The following GPC5 variants were observed in gnomAD, a reference collection of about 807,000 sequenced individuals.
The protein encoded by GPC5 is glypican-5.
GPC5 carries 47 observed loss-of-function variants against 53.9 expected under a neutral mutation model. The observed-to-expected ratio is 0.87, with a 90% CI of 0.69 to 1.11. The LOEUF (loss-of-function observed/expected upper bound fraction) is 1.11. Among genes scored for constraint, GPC5 ranks in the 50% most tolerant of loss-of-function variants. GPC5 has a pLI of 0.00. For synonymous variants in GPC5, 286 were observed against 263.3 expected (o/e 1.09, Z -0.84); for missense variants, 748 against 713.1 (o/e 1.05, Z -0.56).
At chr13:92,011,309 T>C (rs748836643) in intron 6 of GPC5, among the ~76,000 whole-genome samples, 1 of 152,200 alleles carries the variant, frequency 6.6e-6, no homozygotes, top group Non-Finnish European at 1.5e-5. Flanking sequence ...TCATCATTTG[T>C]AGCTGTTAAC....
intron 7 of GPC5, among the ~76,000 whole-genome samples, chr13:92,323,751 T>C (rs1011342113): frequency 2.0e-5 from 3 of 151,860 alleles, no homozygotes; most frequent in African/African-American, 7.2e-5. Context: ...AATAAATCAA[T>C]AAATGAGTCA....
chr13:92,547,547 T>A (rs1442697307), intron 7 of GPC5, among the ~76,000 whole-genome samples: 1 of 152,108 alleles, frequency 6.6e-6, no homozygotes, highest in African/African-American at 2.4e-5. Context: ...TTTAAAGGAA[T>A]TATCTTCTTA....
rs149564265 is a variant in GPC5 at position 92,660,476 on chromosome 13, CACAT to C, written c.1562-205801_1562-205798del. On this transcript the variant is annotated intron_variant, in intron 7 of 7. Transcript: ENST00000377067. ...ACATGTATATATATAAATATATACACACATACATGTATATATACATATATATGCA... is the reference window on the plus strand; with the variant it reads ...ACATGTATATATATAAATATATACACACATGTATATATACATATATATGCA... 0.028 allele frequency among the ~76,000 whole-genome samples: 4,179 copies of C among 151,702 alleles called. 403 individuals carry two copies. The East Asian group carries it at 0.33, about 12-fold the overall frequency.
At chr13:92,473,762 A>C (rs1306649728) in intron 7 of GPC5, among the ~76,000 whole-genome samples, 1 of 152,138 alleles carries the variant, frequency 6.6e-6, no homozygotes, top group Non-Finnish European at 1.5e-5. Flanking sequence ...AATACAATAA[A>C]ATTACTGCTC....
chr13:91,449,438 C>T (rs1328606274), intron 2 of GPC5, among the ~76,000 whole-genome samples: 1 of 152,022 alleles, frequency 6.6e-6, no homozygotes, highest in East Asian at 1.9e-4. Context: ...TGGTGGTTTG[C>T]TGCACCCATC....
chr13:92,587,186 T>C (rs927797692), intron 7 of GPC5, among the ~76,000 whole-genome samples: 6 of 152,168 alleles, frequency 3.9e-5, no homozygotes, highest in African/African-American at 1.4e-4. Flanking sequence ...AAAAATTCTA[T>C]TTTCCCTGTT....
chr13:92,547,396 A>T (rs1243953437), intron 7 of GPC5, among the ~76,000 whole-genome samples: 1 of 152,176 alleles, frequency 6.6e-6, no homozygotes, highest in Non-Finnish European at 1.5e-5. Context: ...CAAAGTCCTA[A>T]AGTTGATTCA....
intron 7 of GPC5, among the ~76,000 whole-genome samples, chr13:92,218,464 A>C (rs556610793): frequency 1.1e-4 from 17 of 152,190 alleles, no homozygotes; most frequent in Non-Finnish European, 2.5e-4. Context: ...GAAAGAAAAA[A>C]GTTTTCCCTT....
intron 7 of GPC5, among the ~76,000 whole-genome samples, chr13:92,857,042 A>G (rs1879023575): frequency 1.3e-5 from 2 of 152,178 alleles, no homozygotes; most frequent in Admixed American, 6.6e-5. Flanking sequence ...AAAAGAACAA[A>G]GCTGGAAGCA....
chr13:92,668,837 A>C (rs1327860038), intron 7 of GPC5, among the ~76,000 whole-genome samples: 1 of 152,096 alleles, frequency 6.6e-6, no homozygotes, highest in Non-Finnish European at 1.5e-5. Context: ...TGAATCAATT[A>C]CAAAGTTTTT....
intron 2 of GPC5, among the ~76,000 whole-genome samples, chr13:91,518,183 G>T (rs1885613135): frequency 6.6e-6 from 1 of 152,170 alleles, no homozygotes; most frequent in Non-Finnish European, 1.5e-5. Flanking sequence ...CATCCAATTA[G>T]ATATCAAGTA....
chr13:92,048,505 C>T (rs1459666476), intron 6 of GPC5, among the ~76,000 whole-genome samples: 1 of 152,076 alleles, frequency 6.6e-6, no homozygotes, highest in Non-Finnish European at 1.5e-5. Context: ...TTCTTCTGTG[C>T]TAGGATTGTC....
At chr13:91,726,484 C>T (rs2036578575) in intron 3 of GPC5, among the ~76,000 whole-genome samples, 1 of 152,170 alleles carries the variant, frequency 6.6e-6, no homozygotes, top group Non-Finnish European at 1.5e-5. Context: ...ATTTAAAGCC[C>T]TCCAAAATCT....
chr13:92,049,378 C>T, intron 6 of GPC5, among the ~76,000 whole-genome samples: 1 of 151,980 alleles, frequency 6.6e-6, no homozygotes, highest in South Asian at 2.1e-4. Context: ...AGGAACAGAG[C>T]CTAATATTTA....
chr13:92,411,871 C>T (rs532935906), intron 7 of GPC5, among the ~76,000 whole-genome samples: 2 of 147,680 alleles, frequency 1.4e-5, no homozygotes, highest in South Asian at 4.3e-4. Flanking sequence ...GTCCATTTAC[C>T]GTTATCTTTC....
At chr13:92,162,506 A>T (rs1199941527) in intron 7 of GPC5, among the ~76,000 whole-genome samples, 4 of 152,200 alleles carry the variant, frequency 2.6e-5, no homozygotes. Flanking sequence ...TTCTCAAAGG[A>T]ATTAAAACAT....
chr13:91,404,062 A>AC (rs1017897206), intron 1 of GPC5, among the ~76,000 whole-genome samples: 2 of 151,654 alleles, frequency 1.3e-5, no homozygotes, highest in South Asian at 2.1e-4. Context: ...TCCACTTATC[A>AC]CCCCCCAATC....
intron 6 of GPC5, among the ~76,000 whole-genome samples, chr13:92,071,804 T>C (rs1329810132): frequency 1.4e-4 from 21 of 149,222 alleles, no homozygotes; most frequent in Non-Finnish European, 3.0e-4. Flanking sequence ...CAATGTGCCT[T>C]TAAATCTCTA....
intron 7 of GPC5, chr13:92,448,121 AT>A (rs1877907612): frequency 6.6e-6 from 1 of 152,126 alleles, no homozygotes; most frequent in Non-Finnish European, 1.5e-5. Context: ...TAGGCAAATA[AT>A]TTCTCTCAGT....
Sources: allele counts gnomAD v4.1 joint callset (sites outside exome capture counted in the v4.1 genomes callset), GRCh38; gene constraint gnomAD v4.1.1; transcripts MANE v1.5; gene names NCBI Gene and HGNC (gene_info 2026-07-23, HGNC 2026-07-21).